SCAMP4: variants seen among roughly 807,000 people sequenced by gnomAD.
SCAMP4 encodes secretory carrier membrane protein 4.
SCAMP4 carries 19 observed loss-of-function variants against 32.1 expected under a neutral mutation model. The observed-to-expected ratio is 0.59, with a 90% CI of 0.41 to 0.87. The LOEUF is 0.87. Ranked by LOEUF, SCAMP4 falls within the 40% of genes least tolerant of loss-of-function variation. The pLI is 0.00. For synonymous variants in SCAMP4, 152 were observed against 132.7 expected (o/e 1.15, Z -1.00); for missense variants, 302 against 309.0 (o/e 0.98, Z 0.17).
rs1314172828 is a variant in SCAMP4 at position 1,919,327 on chromosome 19, GCT to G, written c.395+338_395+339del. 4 of 1,184,150 alleles carry G rather than the reference GCT, an allele frequency of 3.4e-6. No homozygotes were observed. The African/African-American group carries it at 6.2e-5, about 18-fold the overall frequency. 73.4% of individuals were successfully genotyped at this position (1,184,150 alleles called of 1,614,324 possible). A position where few individuals can be genotyped will look rare whatever the true frequency, so the allele number is the denominator to read the frequency against. On this transcript the variant is annotated intron_variant, in intron 5 of 6. Transcript: ENST00000316097. Reference sequence around the variant, plus strand: ...GGGGTCTGGGAGCCAGTTCCTGGCTGCTGATGTTTCTGCACGGATCGCTGCAG... The same window carrying G: ...GGGGTCTGGGAGCCAGTTCCTGGCTGGATGTTTCTGCACGGATCGCTGCAG...
chr19:1,920,686 C>T (rs1312959615), intron 5 of SCAMP4: 3 of 985,430 alleles, frequency 3.0e-6, no homozygotes, highest in Non-Finnish European at 3.6e-6. Flanking sequence ...TCGTCATCCT[C>T]CGAGTCCTCC....
rs550387509 is a variant in SCAMP4, at chr19:1,913,813, C to A, written c.-41-1166C>A. Among the ~76,000 whole-genome samples, 7 of 152,372 alleles carry A rather than the reference C, an allele frequency of 4.6e-5. No individual in the cohort carries two copies. In the East Asian group the frequency reaches 1.3e-3, roughly 29 times the overall value. The stretch of plus-strand genomic sequence containing the variant: ...AGAGCCGTTTTTGCAGAACTTGGAG[C>A]AGGACCTGTGGGTCCACCCGGCAAG... On this transcript the variant is annotated intron_variant, in intron 1 of 6. Coordinates refer to ENST00000316097, the MANE Select transcript of SCAMP4 (RefSeq NM_079834.4).
intron 1 of SCAMP4, among the ~76,000 whole-genome samples, chr19:1,910,936 G>A (rs979065768): frequency 2.0e-5 from 3 of 151,052 alleles, no homozygotes; most frequent in South Asian, 2.1e-4. Flanking sequence ...GCGCGATCTC[G>A]GCTCAATGTA....
intron 1 of SCAMP4, chr19:1,912,420 C>G (rs1389740757): frequency 6.6e-7 from 1 of 1,512,874 alleles, no homozygotes; most frequent in Non-Finnish European, 8.8e-7. Context: ...GCTGGCTGAG[C>G]TCCTGCCACG....
rs902571849 is a variant in SCAMP4, at chr19:1,921,490, G to T, written c.396-1580G>T. 8.1e-6 allele frequency: 8 copies of T among 985,282 alleles called. No individual in the cohort carries two copies. The East Asian group carries it at 7.9e-4, about 98-fold the overall frequency. 61.0% of individuals were successfully genotyped at this position (985,282 alleles called of 1,614,324 possible). Reference sequence around the variant, plus strand: ...CCCCGCCAGGAATCGGACATCAGCGGGCGCCGCAGCCTCTAAGCGGAGCAT... The same window carrying T: ...CCCCGCCAGGAATCGGACATCAGCGTGCGCCGCAGCCTCTAAGCGGAGCAT... On this transcript the variant is annotated intron_variant, in intron 5 of 6. Coordinates refer to ENST00000316097, the MANE Select transcript of SCAMP4 (RefSeq NM_079834.4).
chr19:1,917,796 T>A lies in SCAMP4; in HGVS notation c.110T>A (p.Val37Glu), dbSNP rs1458801524. 6.2e-7 allele frequency: 1 copy of A among 1,613,988 alleles called. No individual in the cohort carries two copies. Among genetic ancestry groups the A allele is most frequent in the South Asian group, 1.1e-5 (1 of 91,086 alleles). ...DEIPVEHQVL[V>E]KRIYRLWMFY... ...ATCCCAGTGGAGCACCAGGTCCTGG[T>A]GAAGAGGATCTACCGGCTGTGGATG... is the stretch of plus-strand genomic sequence containing the variant. The change falls in exon 3 of 7, where the codon GTG becomes GAG. Residue 37 changes from valine (V) to glutamate (E), a missense_variant. Transcript: ENST00000316097.
rs1207661163 is a variant in SCAMP4 at position 1,908,982 on chromosome 19, G to C, written c.-42+3543G>C. 6.6e-6 allele frequency among the ~76,000 whole-genome samples: 1 copy of C among 152,096 alleles called. No individual in the cohort carries two copies. Among genetic ancestry groups the C allele is most frequent in the African/African-American group, 2.4e-5 (1 of 41,394 alleles). On this transcript the variant is annotated intron_variant, in intron 1 of 6. Transcript: ENST00000316097. This position sits in a 1 kb window ranked among gnomAD's most constrained non-coding sequence, Gnocchi z 4.2. ...TAGCCGGGCGTGGTGGCATGTGCCT[G>C]TATTCCCAGCTACTAGGGGGGCTGA...
In SCAMP4 at chr19:1,910,034, G is replaced by A. The variant is rs142423982; in HGVS notation, c.-42+4595G>A. 6.4e-3 allele frequency among the ~76,000 whole-genome samples: 974 copies of A among 152,342 alleles called. 8 individuals are homozygous for A. Among genetic ancestry groups the A allele is most frequent in the Non-Finnish European group, 9.2e-3 (628 of 68,030 alleles). Reference sequence around the variant, plus strand: ...GTGTGCTGTTCTGGGAGGGGGCCCCGTGTCCCCCACACTTGGCATGCTTGC... The same window carrying A: ...GTGTGCTGTTCTGGGAGGGGGCCCCATGTCCCCCACACTTGGCATGCTTGC... On this transcript the variant is annotated intron_variant, in intron 1 of 6. Coordinates refer to ENST00000316097, the MANE Select transcript of SCAMP4 (RefSeq NM_079834.4).
intron 5 of SCAMP4, 155 bp downstream of exon 5, chr19:1,919,145 G>A (rs988790341): frequency 1.9e-4 from 283 of 1,452,278 alleles, no homozygotes; most frequent in Non-Finnish European, 2.4e-4. Flanking sequence ...CAGCGCCCGC[G>A]TCCTCGCCAG....
intron 5 of SCAMP4, chr19:1,920,912 G>A (rs1286541657): frequency 4.1e-6 from 4 of 985,268 alleles, no homozygotes; most frequent in Admixed American, 6.2e-5. Context: ...GTGCACGTGC[G>A]GCAGCAGCGA....
intron 5 of SCAMP4, 86 bp downstream of exon 5, chr19:1,919,076 G>T: frequency 1.3e-6 from 2 of 1,550,070 alleles, no homozygotes; most frequent in Non-Finnish European, 8.7e-7. Flanking sequence ...GCGGCCACCG[G>T]AGCGTGCTGG....
chr19:1,918,385 C>G, intron 4 of SCAMP4, 102 bp downstream of exon 4: 1 of 1,287,918 alleles, frequency 7.8e-7, no homozygotes, highest in Non-Finnish European at 1.0e-6. Context: ...TTTCTCTGCC[C>G]AGTGTGAAAG....
chr19:1,920,543 A>G (rs1184835282), intron 5 of SCAMP4: 1 of 950,500 alleles, frequency 1.1e-6, no homozygotes, highest in Admixed American at 6.2e-5. Context: ...TGCCACCCCA[A>G]GAGCCTGAGT....
Position 1,924,165 on chromosome 19 carries a change from A to C in SCAMP4, c.571A>C (p.Asn191His). 1 of 1,612,182 alleles carries C rather than the reference A, an allele frequency of 6.2e-7. No homozygotes were observed. Residue 191 changes from asparagine to histidine, a missense_variant, in exon 7 of 7, where the codon AAC becomes CAC. Coordinates refer to ENST00000316097, the MANE Select transcript of SCAMP4 (RefSeq NM_079834.4). ...GSFQKAQTEW[N>H]TGTWRNPPSR... ...CTTCCAGAAGGCACAGACGGAGTGG[A>C]ACACGGGCACTTGGCGGAACCCACC...
chr19:1,912,266 AC>A, intron 1 of SCAMP4: 1 of 1,593,696 alleles, frequency 6.3e-7, no homozygotes, highest in Non-Finnish European at 8.5e-7. Flanking sequence ...GCCAGACCTC[AC>A]GCCTCCTGAA....
chr19:1,922,963 CCTT>C (rs758914318), intron 5 of SCAMP4, 104 bp from the exon 6 acceptor site: 45 of 1,393,710 alleles, frequency 3.2e-5, no homozygotes, highest in Non-Finnish European at 3.9e-5. Flanking sequence ...GCTGTCCACT[CCTT>C]GTTGATTGGC....
At chr19:1,907,841 G>A (rs1010385824) in intron 1 of SCAMP4, among the ~76,000 whole-genome samples, 2 of 152,148 alleles carry the variant, frequency 1.3e-5, no homozygotes, top group African/African-American at 4.8e-5. Context: ...CTGTGGGAGT[G>A]AGTCGTCCCC....
At chr19:1,923,829 G>C (rs1433634068) in intron 6 of SCAMP4, among the ~76,000 whole-genome samples, 1 of 121,632 alleles carries the variant, frequency 8.2e-6, no homozygotes, top group Non-Finnish European at 1.6e-5. Context: ...TTTTCACCGT[G>C]TTAGCCAGGA....
intron 3 of SCAMP4, 95 bp downstream of exon 3, chr19:1,917,917 A>T (rs2013786654): frequency 1.3e-6 from 2 of 1,528,502 alleles, no homozygotes; most frequent in Non-Finnish European, 1.8e-6. Context: ...TCGGGGGCCC[A>T]CCGTCTACTG....
Sources: gnomAD v4.1 joint callset for allele counts (sites outside exome capture counted in the v4.1 genomes callset) on GRCh38, gnomAD v4.1.1 for gene constraint, Gnocchi (gnomAD v3.1) non-coding constraint, MANE v1.5 for transcripts, NCBI Gene and HGNC (gene_info 2026-07-23, HGNC 2026-07-21) for gene names.